The following FGD4 variants were observed in gnomAD, a reference collection of about 807,000 sequenced individuals.
The protein encoded by FGD4 is FYVE, RhoGEF and PH domain containing 4.
In FGD4, 42 loss-of-function variants were observed where a neutral mutation model predicts 102.0. The observed-to-expected ratio is 0.41, with a 90% CI of 0.32 to 0.53. The LOEUF is 0.53. Ranked by LOEUF, FGD4 falls within the 20% of genes least tolerant of loss-of-function variation. The pLI is 0.21. For missense variants in FGD4, 902 were observed against 1,078.2 expected, an observed-to-expected ratio of 0.84 and a Z score of 2.29; for synonymous variants, 380 against 375.7, an observed-to-expected ratio of 1.01 and a Z score of -0.13.
chr12:32,406,280 G>A (rs1221841991), intron 1 of FGD4, among the ~76,000 whole-genome samples: 3 of 152,064 alleles, frequency 2.0e-5, no homozygotes, highest in Admixed American at 1.3e-4. Context: ...GGGGCTGGGC[G>A]CAGTGGCTCA....
At chr12:32,623,940 A>G (rs1949997096) in intron 11 of FGD4, among the ~76,000 whole-genome samples, 1 of 152,190 alleles carries the variant, frequency 6.6e-6, no homozygotes, top group Non-Finnish European at 1.5e-5. Context: ...CCTTCTAAGA[A>G]CTGGAAAATA....
At chr12:32,404,003 A>C (rs1390716570) in intron 1 of FGD4, among the ~76,000 whole-genome samples, 3 of 151,806 alleles carry the variant, frequency 2.0e-5, no homozygotes, top group Non-Finnish European at 4.4e-5. Flanking sequence ...TTAGTCCCCT[A>C]GGCTTTCGGG....
chr12:32,574,913 C>T (rs1340500461), intron 2 of FGD4: 1 of 152,144 alleles, frequency 6.6e-6, no homozygotes, highest in Non-Finnish European at 1.5e-5. Flanking sequence ...TCTATTTGAT[C>T]TGTCAACACT....
At chr12:32,570,326 G>T (rs1945557793) in intron 2 of FGD4, among the ~76,000 whole-genome samples, 2 of 147,002 alleles carry the variant, frequency 1.4e-5, no homozygotes, top group Non-Finnish European at 1.5e-5. Context: ...GATTTAATTT[G>T]TATTTCCCTG....
chr12:32,620,363 C>A (rs892970514), intron 11 of FGD4, among the ~76,000 whole-genome samples: 1 of 152,076 alleles, frequency 6.6e-6, no homozygotes, highest in Admixed American at 6.6e-5. Context: ...ACCATAGTTG[C>A]AGGATACATG....
At chr12:32,446,798 C>T (rs767693038) in intron 1 of FGD4, among the ~76,000 whole-genome samples, 2 of 152,118 alleles carry the variant, frequency 1.3e-5, no homozygotes, top group Non-Finnish European at 2.9e-5. Context: ...GCCTAGAGCG[C>T]GTAGAGATAC....
At chr12:32,552,591 A>G (rs1201248819) in intron 1 of FGD4, among the ~76,000 whole-genome samples, 3 of 151,626 alleles carry the variant, frequency 2.0e-5, no homozygotes, top group Non-Finnish European at 4.4e-5. Context: ...TTTAACCAAC[A>G]TTCTTAGTTG....
At chr12:32,619,248 T>C (rs1224322918) in intron 10 of FGD4, among the ~76,000 whole-genome samples, 1 of 152,134 alleles carries the variant, frequency 6.6e-6, no homozygotes, top group Non-Finnish European at 1.5e-5. Context: ...TAAACCTCAG[T>C]GTTTTAGTAA....
intron 1 of FGD4, among the ~76,000 whole-genome samples, chr12:32,543,158 T>C (rs1204281060): frequency 6.6e-6 from 1 of 152,194 alleles, no homozygotes; most frequent in Non-Finnish European, 1.5e-5. Context: ...GAAAGCACTT[T>C]ACTGACATTT....
At chr12:32,405,970 T>G (rs1217306758) in intron 1 of FGD4, among the ~76,000 whole-genome samples, 2 of 151,654 alleles carry the variant, frequency 1.3e-5, no homozygotes, top group East Asian at 3.9e-4. Context: ...TGAGATGGAG[T>G]TTTGCTCTTG....
intron 1 of FGD4, among the ~76,000 whole-genome samples, chr12:32,403,656 G>C (rs1384259936): frequency 6.8e-6 from 1 of 146,664 alleles, no homozygotes; most frequent in Non-Finnish European, 1.5e-5. Context: ...GAGTGCAGTG[G>C]TGCAATCTTG....
Position 32,614,611 on chromosome 12 carries a change from T to C in FGD4, c.1749+3328T>C, listed in dbSNP as rs111512282. 2.4e-3 allele frequency among the ~76,000 whole-genome samples: 360 copies of C among 152,372 alleles called. 2 individuals are homozygous for C. Among genetic ancestry groups the C allele is most frequent in the African/African-American group, 8.1e-3 (337 of 41,594 alleles). ...ATGACAATGTTCTTGCTCATTATTC[T>C]CATCAAACAAGGGCAATTTTTCGAG... On this transcript the variant is annotated intron_variant, in intron 10 of 16. Transcript: ENST00000534526.
At chr12:32,412,582 G>A (rs184833343) in intron 1 of FGD4, among the ~76,000 whole-genome samples, 91 of 152,212 alleles carry the variant, frequency 6.0e-4, no homozygotes, top group South Asian at 2.7e-3. Flanking sequence ...TTCAGGACCC[G>A]GCTGGGCAAT....
At chr12:32,534,225 C>T (rs1942042814) in intron 1 of FGD4, 1 of 1,060,152 alleles carries the variant, frequency 9.4e-7, no homozygotes, top group Non-Finnish European at 1.2e-6. Flanking sequence ...CACTCCCTCT[C>T]ATGCAATGTA....
At chr12:32,512,446 C>CAAA (rs764927551) in intron 1 of FGD4, among the ~76,000 whole-genome samples, 3 of 130,276 alleles carry the variant, frequency 2.3e-5, no homozygotes, top group Admixed American at 7.6e-5. Context: ...GACTCTGTCT[C>CAAA]AAAAAAAAAA....
intron 1 of FGD4, among the ~76,000 whole-genome samples, chr12:32,444,054 T>TCA (rs1446202321): frequency 1.4e-5 from 2 of 145,942 alleles, no homozygotes; most frequent in East Asian, 4.1e-4. Context: ...AGACAGGGTC[T>TCA]CACTCTGTTG....
chr12:32,539,982 A>AT (rs746806334), intron 1 of FGD4, among the ~76,000 whole-genome samples: 154 of 152,118 alleles, frequency 1.0e-3, no homozygotes, highest in Admixed American at 3.9e-3. Flanking sequence ...TGCCCAGTAA[A>AT]TTTTTTTTAA....
At chr12:32,603,416 G>A (rs1463127270) in intron 7 of FGD4, among the ~76,000 whole-genome samples, 3 of 151,250 alleles carry the variant, frequency 2.0e-5, no homozygotes, top group Non-Finnish European at 4.4e-5. Context: ...ACGGAGTCTC[G>A]CTGCTCTGTT....
At chr12:32,462,163 T>C (rs1450319838) in intron 1 of FGD4, among the ~76,000 whole-genome samples, 3 of 152,210 alleles carry the variant, frequency 2.0e-5, no homozygotes, top group Non-Finnish European at 4.4e-5. Flanking sequence ...CCATTCTTGA[T>C]GTGGCAGCCT....
Sources: allele counts gnomAD v4.1 joint callset (sites outside exome capture counted in the v4.1 genomes callset), GRCh38; gene constraint gnomAD v4.1.1; transcripts MANE v1.5; gene names NCBI Gene and HGNC (gene_info 2026-07-23, HGNC 2026-07-21).